WDPCP: variants seen among roughly 807,000 people sequenced by gnomAD.
WDPCP encodes the protein WD repeat-containing and planar cell polarity effector protein fritz homolog.
Under a neutral mutation model 93.1 loss-of-function variants are expected in WDPCP, and 71 were observed. The observed-to-expected ratio is 0.76, with a 90% CI of 0.63 to 0.93. The LOEUF is 0.93. WDPCP is among the 40% of genes least tolerant of loss of function. The pLI is 0.00. For synonymous variants in WDPCP, 315 were observed against 315.0 expected (o/e 1.00, Z 0.00); for missense variants, 844 against 887.4 (o/e 0.95, Z 0.62).
intron 3 of WDPCP, among the ~76,000 whole-genome samples, chr2:63,639,032 C>A (rs1032103833): frequency 6.6e-6 from 1 of 152,122 alleles, no homozygotes; most frequent in Non-Finnish European, 1.5e-5. Flanking sequence ...TGAAATGAAT[C>A]AATTTCTTAA....
chr2:63,707,796 T>G (rs1669189716), intron 2 of WDPCP, among the ~76,000 whole-genome samples: 1 of 152,222 alleles, frequency 6.6e-6, no homozygotes, highest in African/African-American at 2.4e-5. Context: ...GATGTACAGA[T>G]GGGTTTTTGG....
At chr2:63,805,044 A>G (rs1402911523) in intron 2 of WDPCP, among the ~76,000 whole-genome samples, 1 of 152,146 alleles carries the variant, frequency 6.6e-6, no homozygotes, top group East Asian at 1.9e-4. Context: ...AGAAAAGAAA[A>G]GAAAAGAAAG....
intron 15 of WDPCP, among the ~76,000 whole-genome samples, chr2:63,170,273 TTTC>T (rs1673289201): frequency 6.6e-6 from 1 of 151,268 alleles, no homozygotes; most frequent in Non-Finnish European, 1.5e-5. Flanking sequence ...TTTTTCTTTC[TTTC>T]TTTTTTTTTT....
chr2:63,359,001 A>ACTTTACTCC (rs1449053938), intron 12 of WDPCP, among the ~76,000 whole-genome samples: 1 of 151,786 alleles, frequency 6.6e-6, no homozygotes, highest in Non-Finnish European at 1.5e-5. Flanking sequence ...TCTCTCCCTT[A>ACTTTACTCC]CTTATCCGCT....
intron 10 of WDPCP, among the ~76,000 whole-genome samples, chr2:63,385,507 A>G (rs1333317996): frequency 2.6e-5 from 4 of 152,130 alleles, no homozygotes; most frequent in African/African-American, 9.6e-5. Flanking sequence ...TAATAAAAAT[A>G]TTTACAATAT....
At chr2:63,412,968 A>C (rs1695132399) in intron 9 of WDPCP, among the ~76,000 whole-genome samples, 1 of 152,226 alleles carries the variant, frequency 6.6e-6, no homozygotes, top group Non-Finnish European at 1.5e-5. Flanking sequence ...TACAAATTCA[A>C]TCCAATCCCC....
At chr2:63,266,387 AC>A (rs1389473126) in intron 13 of WDPCP, among the ~76,000 whole-genome samples, 3 of 152,220 alleles carry the variant, frequency 2.0e-5, no homozygotes, top group African/African-American at 7.2e-5. Context: ...AATTAAGAAA[AC>A]AATTCCATTT....
chr2:63,498,436 T>G (rs1009685732), intron 1 of WDPCP, among the ~76,000 whole-genome samples: 21 of 152,188 alleles, frequency 1.4e-4, no homozygotes, highest in African/African-American at 5.1e-4. Context: ...TATACTTACA[T>G]CCTTAAAAAA....
At chr2:63,688,885 G>A (rs1351784745) in intron 2 of WDPCP, among the ~76,000 whole-genome samples, 1 of 152,152 alleles carries the variant, frequency 6.6e-6, no homozygotes, top group East Asian at 1.9e-4. Context: ...CCTCATGAAT[G>A]GATTAATGCC....
At chr2:63,446,886 AT>A (rs1697903127) in intron 6 of WDPCP, among the ~76,000 whole-genome samples, 1 of 152,202 alleles carries the variant, frequency 6.6e-6, no homozygotes, top group African/African-American at 2.4e-5. Context: ...TGAATAACTT[AT>A]CCGTGAGGTA....
intron 2 of WDPCP, among the ~76,000 whole-genome samples, chr2:63,785,816 G>A (rs567866132): frequency 2.6e-5 from 4 of 152,228 alleles, no homozygotes; most frequent in African/African-American, 9.6e-5. Context: ...TGATTGTGCA[G>A]CAAGACAAAG....
At chr2:63,206,482 A>T (rs1007188648) in intron 14 of WDPCP, among the ~76,000 whole-genome samples, 5 of 152,086 alleles carry the variant, frequency 3.3e-5, no homozygotes, top group Non-Finnish European at 7.4e-5. Context: ...TTTGAGACAC[A>T]GTCTCACTCT....
At chr2:63,490,661 T>C (rs1427009117) in intron 2 of WDPCP, among the ~76,000 whole-genome samples, 2 of 152,150 alleles carry the variant, frequency 1.3e-5, no homozygotes, top group African/African-American at 4.8e-5. Context: ...GGGGCTACTG[T>C]GCACCACTGT....
intron 1 of WDPCP, among the ~76,000 whole-genome samples, chr2:63,510,056 A>C (rs1340481618): frequency 2.0e-5 from 3 of 152,180 alleles, no homozygotes; most frequent in Non-Finnish European, 4.4e-5. Context: ...ACAGAAAAAA[A>C]AAGCAACTCC....
intron 14 of WDPCP, among the ~76,000 whole-genome samples, chr2:63,215,909 C>A (rs977435947): frequency 9.9e-5 from 15 of 152,196 alleles, no homozygotes; most frequent in African/African-American, 3.6e-4. Flanking sequence ...TATGAACAGA[C>A]ATTTCTCAAA....
intron 12 of WDPCP, among the ~76,000 whole-genome samples, chr2:63,373,424 T>A (rs1161767669): frequency 6.6e-6 from 1 of 151,732 alleles, no homozygotes; most frequent in East Asian, 1.9e-4. Flanking sequence ...GCTAATTTTT[T>A]AAAAAACGTT....
intron 1 of WDPCP, among the ~76,000 whole-genome samples, chr2:63,546,633 G>C (rs1705171333): frequency 6.6e-6 from 1 of 152,168 alleles, no homozygotes; most frequent in Non-Finnish European, 1.5e-5. Context: ...TGCCAGGCTT[G>C]TAAGTGACCT....
intron 3 of WDPCP, among the ~76,000 whole-genome samples, chr2:63,602,934 C>CTTTTGTTTTTTTTTTTT (rs1709452776): frequency 1.5e-5 from 2 of 131,538 alleles, no homozygotes; most frequent in Admixed American, 7.7e-5. Context: ...TTTAACCGTT[C>CTTTTGTTTTTTTTTTTT]TTTTTTTTTT....
chr2:63,797,839 C>T (rs1670638575), intron 2 of WDPCP, among the ~76,000 whole-genome samples: 1 of 151,926 alleles, frequency 6.6e-6, no homozygotes, highest in South Asian at 2.1e-4. Flanking sequence ...TATAGAACAC[C>T]AAGCAGATTT....
Sources: gnomAD v4.1 joint callset for allele counts (sites outside exome capture counted in the v4.1 genomes callset) on GRCh38, gnomAD v4.1.1 for gene constraint, MANE v1.5 for transcripts, NCBI Gene and HGNC (gene_info 2026-07-23, HGNC 2026-07-21) for gene names.